Variants in GPR39 observed in about 807,000 individuals in gnomAD.
GPR39 encodes the protein zinc sensing receptor.
GPR39 carries 23 observed loss-of-function variants against 18.4 expected under a neutral mutation model. That is an observed-to-expected ratio of 1.25 (90% CI 0.90 to 1.77). The LOEUF is 1.77. Among genes scored for constraint, GPR39 ranks in the 40% most tolerant of loss-of-function variants. The pLI is 0.00. For missense variants in GPR39, 647 were observed against 602.4 expected (o/e 1.07, Z -0.78); for synonymous variants, 280 against 257.9 (o/e 1.09, Z -0.82).
intron 1 of GPR39, among the ~76,000 whole-genome samples, chr2:132,468,173 AC>A (rs2104781138): frequency 6.6e-6 from 1 of 152,224 alleles, no homozygotes; most frequent in Non-Finnish European, 1.5e-5. Context: ...ATTGAACTTG[AC>A]CCAACCAACA....
intron 1 of GPR39, among the ~76,000 whole-genome samples, chr2:132,603,469 G>A (rs951818651): frequency 2.0e-5 from 3 of 152,264 alleles, no homozygotes; most frequent in Non-Finnish European, 1.5e-5. Flanking sequence ...AGTGTAGGAT[G>A]ACTATAGTTA....
intron 1 of GPR39, among the ~76,000 whole-genome samples, chr2:132,553,025 A>G (rs545629306): frequency 6.6e-6 from 1 of 151,302 alleles, no homozygotes; most frequent in Non-Finnish European, 1.5e-5. Flanking sequence ...TCCCAGGTTC[A>G]AGCAATTCTC....
At chr2:132,623,831 C>T (rs919594324) in intron 1 of GPR39, among the ~76,000 whole-genome samples, 1 of 152,128 alleles carries the variant, frequency 6.6e-6, no homozygotes, top group Non-Finnish European at 1.5e-5. Flanking sequence ...TGGCTCACTC[C>T]TTTTTAGTTC....
intron 1 of GPR39, among the ~76,000 whole-genome samples, chr2:132,533,249 C>T (rs2104777772): frequency 6.6e-6 from 1 of 152,152 alleles, no homozygotes; most frequent in Non-Finnish European, 1.5e-5. Flanking sequence ...TTCACAATTG[C>T]TTCAAAGAGA....
intron 1 of GPR39, among the ~76,000 whole-genome samples, chr2:132,487,454 A>G (rs184488652): frequency 1.4e-4 from 22 of 152,328 alleles, no homozygotes; most frequent in African/African-American, 5.1e-4. Flanking sequence ...ATTGAAGCGA[A>G]GCATAATAAA....
intron 1 of GPR39, among the ~76,000 whole-genome samples, chr2:132,494,333 C>T (rs1322942576): frequency 2.0e-5 from 3 of 152,160 alleles, no homozygotes; most frequent in East Asian, 1.9e-4. Context: ...ATGACATGAA[C>T]GTGTTTATTG....
chr2:132,606,151 T>A lies in GPR39; in HGVS notation c.857-38950T>A, dbSNP rs1010907557. 4 of 152,200 alleles carry A rather than the reference T, an allele frequency of 2.6e-5. No homozygotes were observed. The East Asian group carries it at 7.7e-4, about 29-fold the overall frequency. 9.4% of individuals were successfully genotyped at this position (152,200 alleles called of 1,614,324 possible). A position where few individuals can be genotyped will look rare whatever the true frequency, so the allele number is the denominator to read the frequency against. On this transcript the variant is annotated intron_variant, in intron 1 of 1. Transcript: ENST00000329321. ...GACCTGCAAAATCATGATTCTAATATGATGCAGAATAAGAAGTGTTCTAGT... is the reference window on the plus strand; with the variant it reads ...GACCTGCAAAATCATGATTCTAATAAGATGCAGAATAAGAAGTGTTCTAGT...
At chr2:132,626,585 A>G (rs1224012897) in intron 1 of GPR39, among the ~76,000 whole-genome samples, 1 of 152,198 alleles carries the variant, frequency 6.6e-6, no homozygotes, top group Non-Finnish European at 1.5e-5. Context: ...TTCTCTAGTC[A>G]ATAAAGAGAA....
At chr2:132,563,549 A>G (rs536658482) in intron 1 of GPR39, among the ~76,000 whole-genome samples, 2 of 152,296 alleles carry the variant, frequency 1.3e-5, no homozygotes, top group African/African-American at 4.8e-5. Flanking sequence ...ATGCCTTACA[A>G]AAATGAGATC....
At chr2:132,580,972 A>C (rs1317470265) in intron 1 of GPR39, among the ~76,000 whole-genome samples, 5 of 147,950 alleles carry the variant, frequency 3.4e-5, no homozygotes, top group African/African-American at 5.2e-5. Context: ...AAAAAAAAAA[A>C]CAAAAAAAAA....
rs1680412493 is a variant in GPR39, at chr2:132,440,273, C to T, written c.856+22375C>T. Among the ~76,000 whole-genome samples the T allele has an allele frequency of 1.3e-5, 2 of 152,144 alleles. 1 individual carries two copies. Among genetic ancestry groups the T allele is most frequent in the Admixed American group, 1.3e-4 (2 of 15,272 alleles). ...TAGCAGTGGTTAATTGCAGTGAGTT[C>T]TATTGTGGCAGAAAGGTTTGAAAAC... On this transcript the variant is annotated intron_variant, in intron 1 of 1. Coordinates refer to ENST00000329321, the MANE Select transcript of GPR39 (RefSeq NM_001508.3).
chr2:132,628,807 A>G (rs1300609905), intron 1 of GPR39, among the ~76,000 whole-genome samples: 1 of 152,092 alleles, frequency 6.6e-6, no homozygotes, highest in Non-Finnish European at 1.5e-5. Flanking sequence ...AGTTTAGTCC[A>G]CAATTGAGGA....
At chr2:132,421,278 A>G (rs544501767) in intron 1 of GPR39, among the ~76,000 whole-genome samples, 1 of 152,222 alleles carries the variant, frequency 6.6e-6, no homozygotes, top group African/African-American at 2.4e-5. Flanking sequence ...TATTGCACAC[A>G]TGGCTTGCTA....
chr2:132,426,668 A>G (rs1680123647), intron 1 of GPR39, among the ~76,000 whole-genome samples: 1 of 152,174 alleles, frequency 6.6e-6, no homozygotes, highest in Non-Finnish European at 1.5e-5. Context: ...GCCTTTCCCG[A>G]TTTAGAAACT....
At chr2:132,499,529 C>T (rs1462858124) in intron 1 of GPR39, among the ~76,000 whole-genome samples, 3 of 151,980 alleles carry the variant, frequency 2.0e-5, no homozygotes, top group Admixed American at 2.0e-4. Context: ...TTGTTTTTTG[C>T]TTAGTCTTGC....
chr2:132,550,555 T>A (rs1680024665), intron 1 of GPR39, among the ~76,000 whole-genome samples: 1 of 152,222 alleles, frequency 6.6e-6, no homozygotes, highest in East Asian at 1.9e-4. Context: ...CTTTAGAATG[T>A]CAACTGTAGT....
intron 1 of GPR39, among the ~76,000 whole-genome samples, chr2:132,476,450 A>G (rs1681127031): frequency 1.3e-5 from 2 of 152,002 alleles, no homozygotes; most frequent in South Asian, 4.1e-4. Context: ...AGCCTGGGCA[A>G]CATGGTGAAA....
At chr2:132,635,727 A>G (rs1179347055) in intron 1 of GPR39, among the ~76,000 whole-genome samples, 1 of 152,164 alleles carries the variant, frequency 6.6e-6, no homozygotes. Context: ...CAAGTCATAC[A>G]TTGAAGCCCT....
At chr2:132,433,538 CTAGTGGTG>C (rs1680259844) in intron 1 of GPR39, among the ~76,000 whole-genome samples, 1 of 151,880 alleles carries the variant, frequency 6.6e-6, no homozygotes, top group Admixed American at 6.6e-5. Flanking sequence ...CAAAGTGCCA[CTAGTGGTG>C]CTGGAAGTGC....
Sources: allele counts gnomAD v4.1 joint callset (sites outside exome capture counted in the v4.1 genomes callset), GRCh38; gene constraint gnomAD v4.1.1; transcripts MANE v1.5; gene names NCBI Gene and HGNC (gene_info 2026-07-23, HGNC 2026-07-21).